Variants in SEMA3A observed in about 807,000 individuals in gnomAD.
SEMA3A encodes the protein semaphorin 3A, also known as semaphorin-3A.
Under a neutral mutation model 97.9 loss-of-function variants are expected in SEMA3A, and 29 were observed. That is an observed-to-expected ratio of 0.30 (90% CI 0.22 to 0.40). The LOEUF (loss-of-function observed/expected upper bound fraction) is 0.40, where lower values mean the gene tolerates loss of function less well. Among genes scored for constraint, SEMA3A ranks in the 10% least tolerant of loss-of-function variants. The probability of loss-of-function intolerance (pLI) is 1.00; values close to 1 mark genes in which losing one functional copy is unlikely to be tolerated. For synonymous variants in SEMA3A, 321 were observed against 323.7 expected (o/e 0.99, Z 0.09); for missense variants, 763 against 951.3 (o/e 0.80, Z 2.60).
At chr7:84,016,660 T>A (rs1011027222) in intron 6 of SEMA3A, among the ~76,000 whole-genome samples, 1 of 152,192 alleles carries the variant, frequency 6.6e-6, no homozygotes, top group Non-Finnish European at 1.5e-5. Context: ...ACTTTTCAAA[T>A]TATGTTTATT....
chr7:84,286,770 T>C (rs1377265126), intron 3 of SEMA3A, among the ~76,000 whole-genome samples: 1 of 152,100 alleles, frequency 6.6e-6, no homozygotes, highest in Admixed American at 6.6e-5. Context: ...TTCAAGAATA[T>C]GTTGTACTGT....
At chr7:84,287,596 T>C (rs928574109) in intron 3 of SEMA3A, among the ~76,000 whole-genome samples, 3 of 152,192 alleles carry the variant, frequency 2.0e-5, no homozygotes, top group Non-Finnish European at 2.9e-5. Context: ...TAATTTTTTT[T>C]CCCTATCTAT....
intron 16 of SEMA3A, among the ~76,000 whole-genome samples, chr7:83,962,343 C>T (rs1788507392): frequency 6.6e-6 from 1 of 151,998 alleles, no homozygotes; most frequent in South Asian, 2.1e-4. Flanking sequence ...ATATATGAGA[C>T]CATATTTTTG....
intron 3 of SEMA3A, among the ~76,000 whole-genome samples, chr7:84,217,727 C>T (rs1004028329): frequency 4.6e-5 from 7 of 151,532 alleles, no homozygotes; most frequent in African/African-American, 1.7e-4. Context: ...TGCCAGGGCA[C>T]GCTAGCCTGA....
At chr7:84,366,380 A>G (rs190699959) in intron 2 of SEMA3A, among the ~76,000 whole-genome samples, 36 of 151,556 alleles carry the variant, frequency 2.4e-4, no homozygotes, top group African/African-American at 8.7e-4. Context: ...CTTAAGCATC[A>G]AACAAATAAT....
At chr7:84,296,559 C>T (rs1033184389) in intron 3 of SEMA3A, among the ~76,000 whole-genome samples, 1 of 151,994 alleles carries the variant, frequency 6.6e-6, no homozygotes, top group Non-Finnish European at 1.5e-5. Flanking sequence ...GGCTTCTTTA[C>T]CACTTAAAAA....
intron 4 of SEMA3A, among the ~76,000 whole-genome samples, chr7:84,062,086 T>C (rs966179882): frequency 3.9e-5 from 6 of 152,178 alleles, no homozygotes; most frequent in Non-Finnish European, 7.4e-5. Context: ...ATAATTTATT[T>C]AAAACATTTT....
intron 2 of SEMA3A, among the ~76,000 whole-genome samples, chr7:84,311,620 A>T (rs1801322823): frequency 6.6e-6 from 1 of 151,982 alleles, no homozygotes; most frequent in Non-Finnish European, 1.5e-5. Context: ...ACCATAGAAC[A>T]TTGCTCAGGG....
intron 1 of SEMA3A, among the ~76,000 whole-genome samples, chr7:84,400,817 C>G (rs1803880284): frequency 6.6e-6 from 1 of 152,122 alleles, no homozygotes; most frequent in Non-Finnish European, 1.5e-5. Flanking sequence ...CAATAACATT[C>G]AACATCCTTT....
At chr7:84,305,399 A>G (rs1425838878) in intron 3 of SEMA3A, among the ~76,000 whole-genome samples, 2 of 152,004 alleles carry the variant, frequency 1.3e-5, no homozygotes, top group African/African-American at 4.8e-5. Context: ...CAAATAGTTC[A>G]ATTAGATGCA....
chr7:84,279,773 A>C (rs527397715), intron 3 of SEMA3A, among the ~76,000 whole-genome samples: 2 of 152,220 alleles, frequency 1.3e-5, no homozygotes, highest in East Asian at 3.9e-4. Flanking sequence ...AGTTAGTCAA[A>C]TACCTAATAG....
chr7:83,984,083 T>C (rs1043873579), intron 13 of SEMA3A, among the ~76,000 whole-genome samples: 7 of 152,170 alleles, frequency 4.6e-5, no homozygotes, highest in East Asian at 1.9e-4. Flanking sequence ...TGGCTTAATA[T>C]GTACTTTTTT....
chr7:84,370,768 T>G (rs1802953690), intron 2 of SEMA3A, among the ~76,000 whole-genome samples: 1 of 151,622 alleles, frequency 6.6e-6, no homozygotes, highest in South Asian at 2.1e-4. Flanking sequence ...GATGTAAAGT[T>G]TCTTTAGGGA....
At chr7:84,037,579 A>T (rs1791986049) in intron 6 of SEMA3A, among the ~76,000 whole-genome samples, 1 of 152,164 alleles carries the variant, frequency 6.6e-6, no homozygotes, top group South Asian at 2.1e-4. Context: ...TACATTTTTG[A>T]TGAGTGTCTT....
chr7:84,231,794 G>C (rs919249036), intron 3 of SEMA3A, among the ~76,000 whole-genome samples: 3 of 151,864 alleles, frequency 2.0e-5, no homozygotes, highest in Non-Finnish European at 4.4e-5. Context: ...AGTGTGAAAA[G>C]ACAGCAGACA....
At chr7:84,094,572 A>T (rs1324404924) in intron 4 of SEMA3A, among the ~76,000 whole-genome samples, 1 of 152,120 alleles carries the variant, frequency 6.6e-6, no homozygotes, top group Non-Finnish European at 1.5e-5. Context: ...CATCTGCTAG[A>T]TATAAGATTG....
intron 2 of SEMA3A, among the ~76,000 whole-genome samples, chr7:84,348,142 A>G (rs1481455961): frequency 1.4e-4 from 22 of 152,198 alleles, no homozygotes; most frequent in Admixed American, 1.4e-3. Flanking sequence ...TCAATAAAAA[A>G]TGCTGCTGAA....
intron 6 of SEMA3A, among the ~76,000 whole-genome samples, chr7:84,029,125 A>G (rs1791650078): frequency 6.6e-6 from 1 of 152,232 alleles, no homozygotes; most frequent in Admixed American, 6.5e-5. Context: ...AATTTAGACT[A>G]AATGGATATA....
At chr7:84,389,212 G>A (rs906218098) in intron 1 of SEMA3A, among the ~76,000 whole-genome samples, 1 of 151,976 alleles carries the variant, frequency 6.6e-6, no homozygotes, top group African/African-American at 2.4e-5. Context: ...TGGAGTCAAA[G>A]TTTATTTAAG....
Sources: allele counts gnomAD v4.1 joint callset (sites outside exome capture counted in the v4.1 genomes callset), GRCh38; gene constraint gnomAD v4.1.1; transcripts MANE v1.5; gene names NCBI Gene and HGNC (gene_info 2026-07-23, HGNC 2026-07-21).